The following CSMD1 variants were observed in gnomAD, a reference collection of about 807,000 sequenced individuals.
The protein encoded by CSMD1 is CUB and sushi domain-containing protein 1.
In CSMD1, 213 loss-of-function variants were observed where a neutral mutation model predicts 417.5. The observed-to-expected ratio is 0.51, with a 90% CI of 0.46 to 0.57. The LOEUF (loss-of-function observed/expected upper bound fraction) is 0.57. Ranked by LOEUF, CSMD1 falls within the 20% of genes least tolerant of loss-of-function variation. The pLI is 0.00. For missense variants in CSMD1, 6,923 were observed against 4,529.7 expected (o/e 1.53, Z -15.17); for synonymous variants, 2,862 against 1,736.8 (o/e 1.65, Z -16.11).
intron 5 of CSMD1, among the ~76,000 whole-genome samples, chr8:3,927,622 G>A (rs1334354388): frequency 6.7e-6 from 1 of 149,466 alleles, no homozygotes; most frequent in Non-Finnish European, 1.5e-5. Context: ...CCGACATCAC[G>A]CCACTGAACT....
At chr8:4,308,011 T>C (rs1798343431) in intron 3 of CSMD1, among the ~76,000 whole-genome samples, 1 of 152,088 alleles carries the variant, frequency 6.6e-6, no homozygotes, top group African/African-American at 2.4e-5. Flanking sequence ...TAAACAGTGA[T>C]GGTGGGCATA....
intron 1 of CSMD1, chr8:4,788,111 G>C (rs1231429745): frequency 1.0e-4 from 166 of 1,604,116 alleles, no homozygotes; most frequent in Middle Eastern, 2.3e-4. Context: ...GTCAGTGCAG[G>C]GTTGTAGTGT....
chr8:3,037,374 T>C (rs1472349294), intron 50 of CSMD1, among the ~76,000 whole-genome samples: 6 of 84,954 alleles, frequency 7.1e-5, no homozygotes, highest in Non-Finnish European at 1.2e-4. Flanking sequence ...CCCAGCTAAT[T>C]TTTTTTTGTA....
At chr8:4,045,050 G>T (rs928503444) in intron 3 of CSMD1, among the ~76,000 whole-genome samples, 1 of 152,218 alleles carries the variant, frequency 6.6e-6, no homozygotes, top group Non-Finnish European at 1.5e-5. Flanking sequence ...CTGATTTACA[G>T]GAAAGCCTTG....
intron 5 of CSMD1, among the ~76,000 whole-genome samples, chr8:3,978,354 A>G (rs1257448012): frequency 1.3e-5 from 2 of 152,200 alleles, no homozygotes; most frequent in East Asian, 1.9e-4. Context: ...GTAAGCACAT[A>G]TAATTTTTAC....
chr8:3,117,858 T>C (rs1816962076), intron 42 of CSMD1, among the ~76,000 whole-genome samples: 1 of 152,222 alleles, frequency 6.6e-6, no homozygotes. Flanking sequence ...GCGCTCTTTC[T>C]TACACTGTTT....
intron 1 of CSMD1, among the ~76,000 whole-genome samples, chr8:4,893,580 G>A (rs1014624952): frequency 6.6e-6 from 1 of 152,110 alleles, no homozygotes; most frequent in Non-Finnish European, 1.5e-5. Context: ...TTGTAAATGT[G>A]TGATGTATTT....
At chr8:4,872,911 T>C (rs1399501305) in intron 1 of CSMD1, among the ~76,000 whole-genome samples, 3 of 152,080 alleles carry the variant, frequency 2.0e-5, no homozygotes, top group Non-Finnish European at 2.9e-5. Context: ...GTCTGAATTT[T>C]TTGACATATG....
intron 3 of CSMD1, among the ~76,000 whole-genome samples, chr8:4,328,779 C>G (rs1385105059): frequency 6.6e-6 from 1 of 152,166 alleles, no homozygotes; most frequent in Non-Finnish European, 1.5e-5. Flanking sequence ...AGCAATCTGA[C>G]AAAGTATTCT....
At chr8:4,949,839 T>G (rs75932805) in intron 1 of CSMD1, among the ~76,000 whole-genome samples, 3 of 152,154 alleles carry the variant, frequency 2.0e-5, no homozygotes, top group Admixed American at 6.5e-5. Flanking sequence ...AGGATATATA[T>G]ATAGAGAGAA....
rs13262583 is a variant in CSMD1, at chr8:3,533,694, C to T, written c.1345-39968G>A. On this transcript the variant is annotated intron_variant, in intron 10 of 69. Transcript: ENST00000635120. ...CTCCACTAACACTTATTTCACCACA[C>T]GTGCCTCCACCGTGATGTATCATCC... 5.7e-3 allele frequency among the ~76,000 whole-genome samples: 867 copies of T among 152,290 alleles called. 7 individuals are homozygous for T. Among genetic ancestry groups the T allele is most frequent in the Middle Eastern group, 0.017 (5 of 294 alleles).
intron 15 of CSMD1, among the ~76,000 whole-genome samples, chr8:3,401,281 A>G (rs974983608): frequency 6.6e-6 from 1 of 152,262 alleles, no homozygotes; most frequent in African/African-American, 2.4e-5. Flanking sequence ...GAATTTCCAT[A>G]TAAATACATA....
At chr8:3,983,678 A>C (rs1461063245) in intron 5 of CSMD1, among the ~76,000 whole-genome samples, 1 of 152,200 alleles carries the variant, frequency 6.6e-6, no homozygotes, top group African/African-American at 2.4e-5. Context: ...GTGTATTTTC[A>C]GGACAAGTTC....
intron 1 of CSMD1, among the ~76,000 whole-genome samples, chr8:4,875,467 G>A (rs1211006021): frequency 6.6e-6 from 1 of 152,156 alleles, no homozygotes; most frequent in East Asian, 1.9e-4. Flanking sequence ...CATTTTACAT[G>A]TTTGGATGCA....
intron 37 of CSMD1, among the ~76,000 whole-genome samples, chr8:3,180,108 G>C (rs187956541): frequency 1.3e-5 from 2 of 152,146 alleles, no homozygotes; most frequent in African/African-American, 4.8e-5. Flanking sequence ...GAATATCAAC[G>C]TTAAACATTT....
chr8:3,671,524 TGATC>T (rs377428181), intron 7 of CSMD1, among the ~76,000 whole-genome samples: 8 of 12,224 alleles, frequency 6.5e-4, no homozygotes, highest in African/African-American at 1.3e-3. Context: ...ATCATATATA[TGATC>T]ATATATATAT....
intron 10 of CSMD1, among the ~76,000 whole-genome samples, chr8:3,551,429 A>C (rs192716605): frequency 1.3e-5 from 2 of 152,170 alleles, no homozygotes; most frequent in Admixed American, 1.3e-4. Context: ...GGAATTAACT[A>C]ATCTGCACAC....
At chr8:4,340,145 T>C (rs1296162103) in intron 3 of CSMD1, among the ~76,000 whole-genome samples, 1 of 152,134 alleles carries the variant, frequency 6.6e-6, no homozygotes, top group African/African-American at 2.4e-5. Context: ...GGCTCTCATT[T>C]AACATGTTCT....
chr8:3,151,492 C>G lies in CSMD1; in HGVS notation c.5936G>C (p.Ser1979Thr). ...LCIATCGGTL[S>T]TLGGVILSPG... Reference sequence around the variant, plus strand: ...GCTCAGGATCACACCACCCAAGGTGCTCAGCGTCCCTCCACAGGTTGCTGT... The same window carrying G: ...GCTCAGGATCACACCACCCAAGGTGGTCAGCGTCCCTCCACAGGTTGCTGT... The change falls in exon 40 of 70, where the codon AGC becomes ACC. Residue 1979 changes from serine (S) to threonine (T), a missense_variant. Transcript: ENST00000635120. 1.9e-6 allele frequency: 3 copies of G among 1,612,870 alleles called. No individual in the cohort carries two copies. Among genetic ancestry groups the G allele is most frequent in the Non-Finnish European group, 1.7e-6 (2 of 1,179,386 alleles).
Sources: gnomAD v4.1 joint callset for allele counts (sites outside exome capture counted in the v4.1 genomes callset) on GRCh38, gnomAD v4.1.1 for gene constraint, MANE v1.5 for transcripts, NCBI Gene and HGNC (gene_info 2026-07-23, HGNC 2026-07-21) for gene names.